Variants in RIN2 observed in about 807,000 individuals in gnomAD.
RIN2 encodes the protein RAB5 interacting protein 2.
RIN2 carries 36 observed loss-of-function variants against 78.0 expected under a neutral mutation model. That is an observed-to-expected ratio of 0.46 (90% CI 0.35 to 0.61). The LOEUF (loss-of-function observed/expected upper bound fraction) is 0.61. RIN2 is among the 20% of genes least tolerant of loss of function. The probability of loss-of-function intolerance (pLI) is 0.00; values close to 1 mark genes in which losing one functional copy is unlikely to be tolerated. For missense variants in RIN2, 1,087 were observed against 1,159.7 expected, an observed-to-expected ratio of 0.94 and a Z score of 0.91; for synonymous variants, 466 against 466.8, an observed-to-expected ratio of 1.00 and a Z score of 0.02.
chr20:19,978,121 T>C (rs1175158194), intron 9 of RIN2, among the ~76,000 whole-genome samples: 1 of 152,072 alleles, frequency 6.6e-6, no homozygotes, highest in Non-Finnish European at 1.5e-5. Context: ...GCCAGCCCAC[T>C]TGTCTATGTG....
chr20:19,961,609 G>A (rs902759358), intron 6 of RIN2, among the ~76,000 whole-genome samples: 1 of 152,128 alleles, frequency 6.6e-6, no homozygotes, highest in African/African-American at 2.4e-5. Context: ...CCTGCATTTG[G>A]AGAAGCTGAA....
intron 3 of RIN2, among the ~76,000 whole-genome samples, chr20:19,906,023 G>A (rs185520946): frequency 1.3e-5 from 2 of 151,658 alleles, no homozygotes; most frequent in African/African-American, 4.8e-5. Context: ...CACATGCCAG[G>A]GCCATGAATC....
In RIN2 at chr20:19,881,223, T is replaced by C. The variant is rs546738439; in HGVS notation, c.-36-8343T>C. On this transcript the variant is annotated intron_variant, in intron 2 of 12. Transcript: ENST00000255006. Reference sequence around the variant, plus strand: ...GTTAAAATTTCATGAACTTTCCAAGTCTGTTGATGTCACACTGGTAGCTTG... The same window carrying C: ...GTTAAAATTTCATGAACTTTCCAAGCCTGTTGATGTCACACTGGTAGCTTG... Among the ~76,000 whole-genome samples, 15 of 152,344 alleles carry C rather than the reference T, an allele frequency of 9.8e-5. No individual in the cohort carries two copies. In the East Asian group the frequency reaches 2.9e-3, roughly 29 times the overall value.
At chr20:19,834,104 G>T (rs1351765065) in intron 2 of RIN2, among the ~76,000 whole-genome samples, 1 of 152,106 alleles carries the variant, frequency 6.6e-6, no homozygotes, top group African/African-American at 2.4e-5. Context: ...GTGTGTAATG[G>T]TTATGGATCA....
chr20:19,969,456 A>G (rs543428338), intron 7 of RIN2, among the ~76,000 whole-genome samples: 1 of 152,082 alleles, frequency 6.6e-6, no homozygotes, highest in Admixed American at 6.5e-5. Context: ...CCACCATTAG[A>G]TCTTCAGTCA....
chr20:19,770,511 G>A (rs962093469), intron 1 of RIN2, among the ~76,000 whole-genome samples: 13 of 152,016 alleles, frequency 8.6e-5, no homozygotes, highest in Admixed American at 7.9e-4. Context: ...CATTTCTAAG[G>A]GGACACAATT....
chr20:19,799,595 C>G (rs532921763), intron 1 of RIN2, 27 bp from the exon 2 acceptor site: 7 of 152,150 alleles, frequency 4.6e-5, no homozygotes, highest in East Asian at 1.9e-4. Flanking sequence ...CATACAAAAC[C>G]CTGAATGGTC....
chr20:19,928,012 C>G (rs533169563), intron 3 of RIN2, among the ~76,000 whole-genome samples: 5 of 152,310 alleles, frequency 3.3e-5, no homozygotes, highest in Non-Finnish European at 7.3e-5. Context: ...AAGTGATTCT[C>G]CTGCCTCCGC....
At chr20:19,996,578 T>C (rs1361207687) in intron 11 of RIN2, 101 bp from the exon 12 acceptor site, 1 of 1,207,170 alleles carries the variant, frequency 8.3e-7, no homozygotes, top group East Asian at 2.4e-5. Flanking sequence ...GTTGAAGAAA[T>C]ACTAAAAATA....
intron 2 of RIN2, chr20:19,823,987 C>A (rs181956683): frequency 5.6e-6 from 7 of 1,248,546 alleles, no homozygotes; most frequent in East Asian, 2.5e-5. Context: ...TCAGGACGAC[C>A]GAAGAAAGTT....
chr20:19,983,547 A>G (rs2042527553), intron 9 of RIN2, among the ~76,000 whole-genome samples: 1 of 151,974 alleles, frequency 6.6e-6, no homozygotes, highest in Non-Finnish European at 1.5e-5. Flanking sequence ...CCTACAAAAA[A>G]AAGGCCCATA....
At chr20:19,961,885 G>C (rs2041764483) in intron 6 of RIN2, among the ~76,000 whole-genome samples, 1 of 152,086 alleles carries the variant, frequency 6.6e-6, no homozygotes, top group South Asian at 2.1e-4. Flanking sequence ...CAACCAGAAG[G>C]TACATTGCAA....
At chr20:19,821,892 G>T (rs1224095413) in intron 2 of RIN2, among the ~76,000 whole-genome samples, 1 of 152,188 alleles carries the variant, frequency 6.6e-6, no homozygotes, top group Non-Finnish European at 1.5e-5. Context: ...CACATTGACT[G>T]CCTGGGACAT....
At chr20:19,871,653 A>G (rs1295534275) in intron 2 of RIN2, among the ~76,000 whole-genome samples, 1 of 152,178 alleles carries the variant, frequency 6.6e-6, no homozygotes, top group Non-Finnish European at 1.5e-5. Context: ...CACGTGTCAA[A>G]ATACTCAACA....
chr20:19,985,803 G>A (rs879718986), intron 9 of RIN2, among the ~76,000 whole-genome samples: 3 of 152,284 alleles, frequency 2.0e-5, no homozygotes, highest in East Asian at 3.9e-4. Flanking sequence ...TTTTGCACGC[G>A]TGCTTGTGGA....
chr20:19,810,486 G>A (rs1272168767), intron 2 of RIN2, among the ~76,000 whole-genome samples: 1 of 152,012 alleles, frequency 6.6e-6, no homozygotes, highest in African/African-American at 2.4e-5. Flanking sequence ...CAATGTGAGC[G>A]CTTGGGTCCA....
At chr20:19,946,243 C>T (rs2041084852) in intron 4 of RIN2, among the ~76,000 whole-genome samples, 1 of 151,926 alleles carries the variant, frequency 6.6e-6, no homozygotes, top group Admixed American at 6.6e-5. Context: ...GGTGTGGGGA[C>T]AGTAGGGAAG....
intron 1 of RIN2, among the ~76,000 whole-genome samples, chr20:19,791,268 T>G (rs550096901): frequency 8.4e-6 from 1 of 118,944 alleles, no homozygotes; most frequent in South Asian, 2.6e-4. Context: ...ACTGGTCATT[T>G]CTAAAGATAA....
intron 4 of RIN2, among the ~76,000 whole-genome samples, chr20:19,952,843 G>A (rs6106163): frequency 3.9e-5 from 6 of 152,056 alleles, no homozygotes; most frequent in South Asian, 2.1e-4. Flanking sequence ...TCCCGCGCCC[G>A]CAGCCCCTAG....
Sources: allele counts gnomAD v4.1 joint callset (sites outside exome capture counted in the v4.1 genomes callset), GRCh38; gene constraint gnomAD v4.1.1; transcripts MANE v1.5; gene names NCBI Gene and HGNC (gene_info 2026-07-23, HGNC 2026-07-21).